PRDM2: variants seen among roughly 807,000 people sequenced by gnomAD.
PRDM2 encodes the protein PR domain zinc finger protein 2.
Under a neutral mutation model 130.0 loss-of-function variants are expected in PRDM2, and 30 were observed. The observed-to-expected ratio is 0.23, with a 90% confidence interval of 0.17 to 0.31. PRDM2 has a LOEUF of 0.31. PRDM2 is among the 10% of genes least tolerant of loss of function. The probability of loss-of-function intolerance (pLI) is 1.00; values close to 1 mark genes in which losing one functional copy is unlikely to be tolerated. For synonymous variants in PRDM2, 871 were observed against 782.4 expected, an observed-to-expected ratio of 1.11 and a Z score of -1.89; for missense variants, 2,011 against 2,108.4, an observed-to-expected ratio of 0.95 and a Z score of 0.90.
At chr1:13,786,567 A>C in intron 8 of PRDM2, 1 of 1,605,684 alleles carries the variant, frequency 6.2e-7, no homozygotes, top group Non-Finnish European at 8.5e-7. Context: ...TTGACTAAAA[A>C]GTATTGCATG....
At chr1:13,775,571 A>G (rs900549607) in intron 7 of PRDM2, among the ~76,000 whole-genome samples, 1 of 152,226 alleles carries the variant, frequency 6.6e-6, no homozygotes, top group Non-Finnish European at 1.5e-5. Context: ...CCTCATTGCT[A>G]GTAAATGGAG....
At chr1:13,736,444 C>T (rs1293759398) in intron 4 of PRDM2, among the ~76,000 whole-genome samples, 1 of 152,080 alleles carries the variant, frequency 6.6e-6, no homozygotes, top group Non-Finnish European at 1.5e-5. Flanking sequence ...TATTCCTATG[C>T]CTACCCACAA....
At chr1:13,713,021 C>A (rs1377856228) in intron 1 of PRDM2, among the ~76,000 whole-genome samples, 1 of 152,104 alleles carries the variant, frequency 6.6e-6, no homozygotes, top group African/African-American at 2.4e-5. Context: ...TCCACCTCCA[C>A]CTCCATATAA....
In PRDM2 at chr1:13,758,483, G is replaced by A. The variant is rs75969532; in HGVS notation, c.511+8996G>A. ...AAAAAAAAGTAAGTAGTTAACACCC[G>A]CCCCAACCACCCAAACATACTGTAG... On this transcript the variant is annotated intron_variant, in intron 6 of 9. Transcript: ENST00000311066. Among the ~76,000 whole-genome samples, 182 of 149,364 alleles carry A rather than the reference G, an allele frequency of 1.2e-3. 1 individual carries two copies. The East Asian group carries it at 0.031, about 25-fold the overall frequency.
rs1255733433 is a variant in PRDM2, at chr1:13,816,300, G to A, written c.5037-127G>A. The A allele has an allele frequency of 2.4e-6, 3 of 1,226,352 alleles. No individual in the cohort carries two copies. In the African/African-American group the frequency reaches 4.5e-5, roughly 19 times the overall value. The allele number at this position is 1,226,352 out of a possible 1,614,324, so 76.0% of individuals were successfully genotyped here. A position where few individuals can be genotyped will look rare whatever the true frequency, so the allele number is the denominator to read the frequency against. The stretch of plus-strand genomic sequence containing the variant: ...GATGCCAGGCACCTGGCCTCAAGGT[G>A]TCCAGGAAGTGCAATCCTATCCTGG... On this transcript the variant is annotated intron_variant, in intron 8 of 9. Transcript: ENST00000311066.
At chr1:13,790,314 A>G (rs2100703084) in intron 8 of PRDM2, among the ~76,000 whole-genome samples, 1 of 152,256 alleles carries the variant, frequency 6.6e-6, no homozygotes, top group African/African-American at 2.4e-5. Context: ...TATCCTGCAA[A>G]GTGGGCACTA....
chr1:13,717,509 C>A (rs1424067584), intron 2 of PRDM2: 1 of 813,344 alleles, frequency 1.2e-6, no homozygotes, highest in Non-Finnish European at 1.5e-6. Context: ...GATATGTCTA[C>A]ATCTTTAACC....
chr1:13,764,291 G>A (rs547346969), intron 6 of PRDM2, among the ~76,000 whole-genome samples: 2 of 152,076 alleles, frequency 1.3e-5, no homozygotes, highest in Admixed American at 6.5e-5. Flanking sequence ...TAGTTGCCTC[G>A]TCACTATTTA....
chr1:13,769,449 TTTCTGTTCTGCC>T (rs1644307752), intron 6 of PRDM2, among the ~76,000 whole-genome samples: 1 of 152,230 alleles, frequency 6.6e-6, no homozygotes, highest in South Asian at 2.1e-4. Context: ...CTGGTTCTGC[TTTCTGTTCTGCC>T]ATAGGCTAAT....
chr1:13,780,384 G>A lies in PRDM2; in HGVS notation c.2589G>A (p.Lys863=), dbSNP rs371217046. Reference sequence around the variant, plus strand: ...AGCATTGTAGTGACTCTGAAGGCAAGGAATTCAAAGAAAGTCATTCAGTGC... The same window carrying A: ...AGCATTGTAGTGACTCTGAAGGCAAAGAATTCAAAGAAAGTCATTCAGTGC... ...HKKHCSDSEG[K]EFKESHSVQP... The change falls in exon 8 of 10, where the codon AAG becomes AAA. Residue 863 remains lysine, a synonymous_variant. Transcript: ENST00000311066. The A allele has an allele frequency of 1.2e-6, 2 of 1,614,162 alleles. No individual in the cohort carries two copies. The highest frequency in any genetic ancestry group is 2.7e-5 in the African/African-American group (2 of 75,030).
At chr1:13,819,781 C>T (rs1015672809) in intron 9 of PRDM2, among the ~76,000 whole-genome samples, 3 of 152,156 alleles carry the variant, frequency 2.0e-5, no homozygotes, top group South Asian at 2.1e-4. Context: ...CCTCACGTGG[C>T]GGGGGCCTGG....
In PRDM2 at chr1:13,778,844, C is replaced by A. The variant is rs750122066; in HGVS notation, c.1049C>A (p.Ala350Asp). The A allele has an allele frequency of 5.6e-6, 9 of 1,614,148 alleles. No homozygotes were observed. Among genetic ancestry groups the A allele is most frequent in the Non-Finnish European group, 6.8e-6 (8 of 1,180,034 alleles). ...AMQIPRTKEE[A>D]NGDVFETFMF... ...CAAATCCCCAGAACTAAAGAAGAGG[C>A]CAATGGTGATGTATTTGAAACGTTT... Residue 350 changes from alanine to aspartate, a missense_variant, in exon 8 of 10, where the codon GCC (alanine) becomes GAC (aspartate). Physicochemically the swap from Ala to Asp is moderately radical, Grantham distance 126. Around this residue, in one of 5 missense-constraint regions of PRDM2, gnomAD observed 1,288 missense variants for 1,237.7 expected, o/e 1.04. Coordinates refer to ENST00000311066, the MANE Select transcript of PRDM2 (RefSeq NM_001393986.1).
At chr1:13,790,353 G>A (rs1461122617) in intron 8 of PRDM2, among the ~76,000 whole-genome samples, 1 of 152,166 alleles carries the variant, frequency 6.6e-6, no homozygotes, top group Non-Finnish European at 1.5e-5. Flanking sequence ...TAAGGCTGGC[G>A]GGGCCGTGCA....
chr1:13,756,200 T>C (rs1433716883), intron 6 of PRDM2, among the ~76,000 whole-genome samples: 1 of 151,358 alleles, frequency 6.6e-6, no homozygotes, highest in African/African-American at 2.4e-5. Context: ...GAGGCAGAGC[T>C]TGTAGTGAGC....
At chr1:13,794,730 G>A (rs1184800096) in intron 8 of PRDM2, among the ~76,000 whole-genome samples, 3 of 152,192 alleles carry the variant, frequency 2.0e-5, no homozygotes, top group Admixed American at 6.5e-5. Context: ...ACTGACTGAT[G>A]TCCTCTCTAA....
intron 4 of PRDM2, among the ~76,000 whole-genome samples, chr1:13,735,248 G>T (rs1413493670): frequency 6.6e-6 from 1 of 152,224 alleles, no homozygotes; most frequent in Non-Finnish European, 1.5e-5. Flanking sequence ...AATAACAGGA[G>T]AGAAACAGTA....
intron 6 of PRDM2, among the ~76,000 whole-genome samples, chr1:13,769,395 C>T (rs111461022): frequency 4.6e-5 from 7 of 152,256 alleles, no homozygotes; most frequent in African/African-American, 1.7e-4. Flanking sequence ...CAATATTTGG[C>T]GGTTGTGAGG....
chr1:13,789,919 C>T (rs1644811366), intron 8 of PRDM2, among the ~76,000 whole-genome samples: 1 of 152,234 alleles, frequency 6.6e-6, no homozygotes, highest in South Asian at 2.1e-4. Context: ...GGCACCACTC[C>T]TGCAGCTGCC....
chr1:13,775,009 C>G (rs1644444330), intron 7 of PRDM2, among the ~76,000 whole-genome samples: 1 of 152,212 alleles, frequency 6.6e-6, no homozygotes, highest in Non-Finnish European at 1.5e-5. Flanking sequence ...CTCTTCACCC[C>G]CCAGTATTTG....
Sources: allele counts gnomAD v4.1 joint callset (sites outside exome capture counted in the v4.1 genomes callset), GRCh38; gene constraint gnomAD v4.1.1; regional missense constraint gnomAD v4.1.1; transcripts MANE v1.5; gene names NCBI Gene and HGNC (gene_info 2026-07-23, HGNC 2026-07-21).